NRG3: variants seen among roughly 807,000 people sequenced by gnomAD.
NRG3 encodes neuregulin 3.
In NRG3, 31 loss-of-function variants were observed where a neutral mutation model predicts 66.9. The observed-to-expected ratio is 0.46, with a 90% confidence interval of 0.35 to 0.63. The LOEUF is 0.63. NRG3 is among the 20% of genes least tolerant of loss of function. The pLI, the probability that NRG3 is intolerant of heterozygous loss-of-function variation, is 0.00. For synonymous variants in NRG3, 393 were observed against 359.4 expected, an observed-to-expected ratio of 1.09 and a Z score of -1.06; for missense variants, 910 against 878.9, an observed-to-expected ratio of 1.04 and a Z score of -0.45.
At chr10:82,542,729 T>C (rs1425345322) in intron 2 of NRG3, among the ~76,000 whole-genome samples, 2 of 152,198 alleles carry the variant, frequency 1.3e-5, no homozygotes, top group African/African-American at 2.4e-5. Context: ...AAAAGCTGAA[T>C]ATAATCCTGT....
At chr10:82,427,995 A>T (rs192230908) in intron 2 of NRG3, among the ~76,000 whole-genome samples, 387 of 152,104 alleles carry the variant, frequency 2.5e-3, no homozygotes, top group African/African-American at 8.9e-3. Context: ...TGCTAACAAC[A>T]GTTGTTCATA....
chr10:82,709,691 A>T (rs2056542134), intron 2 of NRG3, among the ~76,000 whole-genome samples: 1 of 152,008 alleles, frequency 6.6e-6, no homozygotes, highest in South Asian at 2.1e-4. Flanking sequence ...TTTGGGATGG[A>T]TGAGCCACAT....
chr10:82,705,264 A>G lies in NRG3; in HGVS notation c.954-33313A>G, dbSNP rs185758063. ...CAAATCACATGGGAAAGGTGTTTAA[A>G]TACAGTCTGATTAGAAGGTCTGGGG... On this transcript the variant is annotated intron_variant, in intron 2 of 8. Transcript: ENST00000372141. Among the ~76,000 whole-genome samples the G allele has an allele frequency of 2.4e-3, 371 of 152,340 alleles. 2 individuals are homozygous for G. The highest frequency in any genetic ancestry group is 4.2e-3 in the Non-Finnish European group (284 of 68,032).
chr10:82,523,088 A>C (rs1371978309), intron 2 of NRG3, among the ~76,000 whole-genome samples: 1 of 152,322 alleles, frequency 6.6e-6, no homozygotes, highest in South Asian at 2.1e-4. Context: ...CTGTTATAGC[A>C]TGTATCAGTA....
intron 2 of NRG3, among the ~76,000 whole-genome samples, chr10:82,469,877 T>C (rs1841072074): frequency 6.6e-6 from 1 of 152,202 alleles, no homozygotes; most frequent in Non-Finnish European, 1.5e-5. Flanking sequence ...AAGGTCAAAA[T>C]AGAGCCAGAG....
chr10:82,228,488 G>T (rs1241101771), intron 1 of NRG3, among the ~76,000 whole-genome samples: 1 of 152,032 alleles, frequency 6.6e-6, no homozygotes, highest in South Asian at 2.1e-4. Flanking sequence ...TTGATTTGCT[G>T]TGTGGCCATG....
intron 1 of NRG3, among the ~76,000 whole-genome samples, chr10:81,930,381 A>G (rs1177595504): frequency 1.3e-5 from 2 of 152,116 alleles, no homozygotes; most frequent in Admixed American, 1.3e-4. Flanking sequence ...TTATACTTAC[A>G]GTTTTATTGT....
At chr10:82,773,300 A>G (rs1020795133) in intron 3 of NRG3, among the ~76,000 whole-genome samples, 5 of 152,124 alleles carry the variant, frequency 3.3e-5, no homozygotes, top group African/African-American at 1.2e-4. Flanking sequence ...TGATGTGATT[A>G]TATCCTAGTG....
intron 3 of NRG3, among the ~76,000 whole-genome samples, chr10:82,852,296 C>G (rs1008292152): frequency 6.6e-6 from 1 of 151,574 alleles, no homozygotes; most frequent in Non-Finnish European, 1.5e-5. Context: ...CTGTCAGGGG[C>G]GTAGGGGGAA....
chr10:82,387,530 G>T (rs2135926557), intron 2 of NRG3, among the ~76,000 whole-genome samples: 1 of 152,254 alleles, frequency 6.6e-6, no homozygotes, highest in Non-Finnish European at 1.5e-5. Context: ...GAAAAGGAAA[G>T]ACTGACCAAA....
chr10:82,102,112 T>A lies in NRG3; in HGVS notation c.823+225949T>A, dbSNP rs1311318175. ...TGTATTCATATATATATATGTGTAT[T>A]CATATATATATATGTGTATTCATAT... On this transcript the variant is annotated intron_variant, in intron 1 of 8. Transcript: ENST00000372141. Among the ~76,000 whole-genome samples, 217 of 43,872 alleles carry A rather than the reference T, an allele frequency of 4.9e-3. 20 individuals carry two copies. The East Asian group carries it at 0.096, about 19-fold the overall frequency. 28.8% of individuals were successfully genotyped at this position (43,872 alleles called of 152,430 possible).
At chr10:82,410,818 C>T (rs1275903804) in intron 2 of NRG3, among the ~76,000 whole-genome samples, 2 of 152,000 alleles carry the variant, frequency 1.3e-5, no homozygotes, top group Non-Finnish European at 2.9e-5. Flanking sequence ...TTCTTGCATA[C>T]GTTAGCACTC....
chr10:82,763,365 A>C (rs542045123), intron 3 of NRG3, among the ~76,000 whole-genome samples: 26 of 152,260 alleles, frequency 1.7e-4, no homozygotes, highest in Non-Finnish European at 3.5e-4. Context: ...CTCTTAGTAA[A>C]ATATATTTGA....
rs1215743534 is a variant in NRG3 at position 82,147,446 on chromosome 10, C to CA, written c.824-211288dup. ...TCCTTAGTTCAGCATCTTTAAAATA[C>CA]AAAAATAGATTTGTTGAGAATACTC... On this transcript the variant is annotated intron_variant, in intron 1 of 8. Transcript: ENST00000372141. Among the ~76,000 whole-genome samples the CA allele has an allele frequency of 6.6e-5, 10 of 152,272 alleles. No homozygotes were observed. In the East Asian group the frequency reaches 1.4e-3, roughly 21 times the overall value.
intron 2 of NRG3, among the ~76,000 whole-genome samples, chr10:82,514,010 C>G (rs1352787248): frequency 1.3e-5 from 2 of 151,966 alleles, no homozygotes; most frequent in African/African-American, 4.8e-5. Flanking sequence ...CTGTTCATGT[C>G]CTTTGCCCAC....
intron 4 of NRG3, among the ~76,000 whole-genome samples, chr10:82,890,291 G>A (rs1206489893): frequency 6.6e-6 from 1 of 151,946 alleles, no homozygotes; most frequent in Non-Finnish European, 1.5e-5. Context: ...GACATATCAA[G>A]GAAAAGAACG....
intron 1 of NRG3, among the ~76,000 whole-genome samples, chr10:82,097,638 G>A (rs1590098816): frequency 6.6e-6 from 1 of 151,670 alleles, no homozygotes; most frequent in South Asian, 2.1e-4. Flanking sequence ...CCTAGGAGTG[G>A]AATTGCTGGG....
intron 2 of NRG3, among the ~76,000 whole-genome samples, chr10:82,722,756 T>C (rs1441306472): frequency 6.6e-6 from 1 of 152,202 alleles, no homozygotes; most frequent in African/African-American, 2.4e-5. Context: ...TTTCTACTGA[T>C]AATGAGAATG....
intron 1 of NRG3, among the ~76,000 whole-genome samples, chr10:82,174,047 G>A (rs1390521496): frequency 6.6e-6 from 1 of 152,020 alleles, no homozygotes; most frequent in Non-Finnish European, 1.5e-5. Flanking sequence ...AGTGGCTACC[G>A]GAAATTACCT....
Sources: gnomAD v4.1 joint callset for allele counts (sites outside exome capture counted in the v4.1 genomes callset) on GRCh38, gnomAD v4.1.1 for gene constraint, MANE v1.5 for transcripts, NCBI Gene and HGNC (gene_info 2026-07-23, HGNC 2026-07-21) for gene names.